ELFN2: variants seen among roughly 807,000 people sequenced by gnomAD.
ELFN2 encodes the protein extracellular leucine rich repeat and fibronectin type III domain containing 2.
Under a neutral mutation model 45.5 loss-of-function variants are expected in ELFN2, and 17 were observed. The ratio of observed to expected loss-of-function variants is 0.37; its 90% confidence interval spans 0.26 to 0.56. The LOEUF is 0.56. ELFN2 is among the 20% of genes least tolerant of loss of function. ELFN2 has a pLI of 0.77. For synonymous variants in ELFN2, 550 were observed against 551.5 expected, an observed-to-expected ratio of 1.00 and a Z score of 0.04; for missense variants, 922 against 1,183.2, an observed-to-expected ratio of 0.78 and a Z score of 3.24.
intron 2 of ELFN2, among the ~76,000 whole-genome samples, chr22:37,407,153 T>C (rs1458590278): frequency 6.6e-6 from 1 of 151,882 alleles, no homozygotes; most frequent in Admixed American, 6.5e-5. Flanking sequence ...GTGTGTCGTA[T>C]GTGTACATGA....
intron 2 of ELFN2, among the ~76,000 whole-genome samples, chr22:37,382,934 T>C (rs1283673823): frequency 6.6e-6 from 1 of 152,228 alleles, no homozygotes; most frequent in Non-Finnish European, 1.5e-5. Context: ...CTTCTGTTCA[T>C]GGGTGCCACC....
intron 1 of ELFN2, among the ~76,000 whole-genome samples, chr22:37,357,628 C>G (rs1930981970): frequency 6.6e-6 from 1 of 152,184 alleles, no homozygotes; most frequent in Non-Finnish European, 1.5e-5. Flanking sequence ...AGGGATGGGC[C>G]CAGCTCAACA....
In ELFN2 at chr22:37,374,956, G is replaced by T. The variant is rs763824292; in HGVS notation, c.579C>A (p.Leu193=). Residue 193 remains leucine (L), a synonymous_variant, in exon 3 of 3, where the codon CTC becomes CTA. Transcript: ENST00000402918. ...CCACCAGCCAGGCCAGGAAGCCGAAGAGGTCGCACTCACAGTTGAAGGGGT... is the reference window on the plus strand; with the variant it reads ...CCACCAGCCAGGCCAGGAAGCCGAATAGGTCGCACTCACAGTTGAAGGGGT... ...AGNPFNCECD[L]FGFLAWLVVF... 6.2e-7 allele frequency: 1 copy of T among 1,613,204 alleles called. No individual in the cohort carries two copies. The highest frequency in any genetic ancestry group is 8.5e-7 in the Non-Finnish European group (1 of 1,179,986).
chr22:37,419,519 C>A (rs1932793089), intron 1 of ELFN2, among the ~76,000 whole-genome samples: 1 of 152,094 alleles, frequency 6.6e-6, no homozygotes, highest in Non-Finnish European at 1.5e-5. Flanking sequence ...ACACCCTCCC[C>A]AACACGCAGG....
chr22:37,410,968 C>T lies in ELFN2; in HGVS notation c.-463+6801G>A, dbSNP rs1932634975. The stretch of plus-strand genomic sequence containing the variant: ...CTGTCTCCAGCAGCCTCAGAGGTGA[C>T]TCTAGAAGGGCCCCTGAAGCCTGCC... On this transcript the variant is annotated intron_variant, in intron 2 of 2. Coordinates refer to ENST00000402918, the MANE Select transcript of ELFN2 (RefSeq NM_052906.5). Among the ~76,000 whole-genome samples, 3 of 152,194 alleles carry T rather than the reference C, an allele frequency of 2.0e-5. No homozygotes were observed. In the South Asian group the frequency reaches 6.2e-4, roughly 31 times the overall value.
At chr22:37,345,747 G>A (rs563317063) in intron 1 of ELFN2, among the ~76,000 whole-genome samples, 3 of 152,116 alleles carry the variant, frequency 2.0e-5, no homozygotes, top group Non-Finnish European at 4.4e-5. Context: ...AGGGTTTCAC[G>A]ATATTGGCCA....
intron 1 of ELFN2, among the ~76,000 whole-genome samples, chr22:37,356,949 A>T (rs1031249571): frequency 2.0e-5 from 3 of 152,246 alleles, no homozygotes; most frequent in Non-Finnish European, 4.4e-5. Flanking sequence ...AGCGAGGAAT[A>T]GGCAGAGGAA....
chr22:37,391,556 A>AT (rs1343459845), intron 2 of ELFN2, among the ~76,000 whole-genome samples: 9 of 152,126 alleles, frequency 5.9e-5, no homozygotes, highest in Non-Finnish European at 1.3e-4. Flanking sequence ...CTGAGAAATG[A>AT]TAAGAGACAT....
chr22:37,409,170 C>A (rs528724070), intron 2 of ELFN2, among the ~76,000 whole-genome samples: 1 of 152,306 alleles, frequency 6.6e-6, no homozygotes, highest in East Asian at 1.9e-4. Flanking sequence ...GGCCCCAGAC[C>A]CTGCTCCATC....
At chr22:37,384,426 TCTCCCCAACCTGGCCTTTACCTCTC>T (rs1193283822) in intron 2 of ELFN2, among the ~76,000 whole-genome samples, 1 of 150,442 alleles carries the variant, frequency 6.6e-6, no homozygotes, top group East Asian at 2.0e-4. Context: ...TCACCCCTTC[TCTCCCCAACCTGGCCTTTACCTCTC>T]CTCCCCTGGA....
At chr22:37,350,578 A>T (rs915814672) in intron 1 of ELFN2, among the ~76,000 whole-genome samples, 3 of 150,060 alleles carry the variant, frequency 2.0e-5, no homozygotes, top group Non-Finnish European at 4.5e-5. Flanking sequence ...CCCACCCGCC[A>T]GCTCCTTTCC....
intron 1 of ELFN2, among the ~76,000 whole-genome samples, chr22:37,350,219 T>C (rs1004199752): frequency 6.6e-6 from 1 of 150,920 alleles, no homozygotes; most frequent in East Asian, 1.9e-4. Context: ...GCCGAGTTTG[T>C]CTACAGTTTG....
intron 2 of ELFN2, among the ~76,000 whole-genome samples, chr22:37,392,256 T>A (rs976852595): frequency 2.0e-5 from 3 of 152,050 alleles, no homozygotes; most frequent in African/African-American, 7.2e-5. Context: ...TCACATTTCA[T>A]CCTCAGGATC....
In ELFN2 at chr22:37,422,874, T is replaced by C. The variant is rs1932819147; in HGVS notation, c.-614+4424A>G. On this transcript the variant is annotated intron_variant, in intron 1 of 2. Transcript: ENST00000402918. The stretch of plus-strand genomic sequence containing the variant: ...CCTCCCAAAGTGCTAGGATTACAGG[T>C]GTGAGCCACCACGCCCAACCAAGAA... 2.1e-5 allele frequency among the ~76,000 whole-genome samples: 3 copies of C among 140,048 alleles called. No individual in the cohort carries two copies. In the South Asian group the frequency reaches 6.8e-4, roughly 32 times the overall value. 91.9% of individuals were successfully genotyped at this position (140,048 alleles called of 152,430 possible).
At chr22:37,397,850 G>C (rs1224344098) in intron 2 of ELFN2, among the ~76,000 whole-genome samples, 1 of 152,144 alleles carries the variant, frequency 6.6e-6, no homozygotes, top group Non-Finnish European at 1.5e-5. Flanking sequence ...GGGCACCCGG[G>C]AAAGAACACC....
intron 2 of ELFN2, among the ~76,000 whole-genome samples, chr22:37,405,663 C>A (rs530275572): frequency 6.6e-6 from 1 of 152,134 alleles, no homozygotes; most frequent in East Asian, 1.9e-4. Flanking sequence ...CTGACCACCA[C>A]GTGATCGCAG....
At chr22:37,381,549 C>T (rs984927846) in intron 2 of ELFN2, among the ~76,000 whole-genome samples, 1 of 151,998 alleles carries the variant, frequency 6.6e-6, no homozygotes, top group Non-Finnish European at 1.5e-5. Flanking sequence ...TGACCCCCAC[C>T]TTCTCTAGCC....
intron 1 of ELFN2, among the ~76,000 whole-genome samples, chr22:37,347,767 C>T (rs1930732158): frequency 6.6e-6 from 1 of 152,246 alleles, no homozygotes; most frequent in Middle Eastern, 3.4e-3. Flanking sequence ...GATGGGCCCC[C>T]TGGGAAAGTC....
chr22:37,356,603 T>C (rs917539676), intron 1 of ELFN2, among the ~76,000 whole-genome samples: 5 of 152,154 alleles, frequency 3.3e-5, no homozygotes, highest in African/African-American at 1.2e-4. Context: ...CGCACCCACC[T>C]CAGGTACGTC....
Sources: gnomAD v4.1 joint callset for allele counts (sites outside exome capture counted in the v4.1 genomes callset) on GRCh38, gnomAD v4.1.1 for gene constraint, MANE v1.5 for transcripts, NCBI Gene and HGNC (gene_info 2026-07-23, HGNC 2026-07-21) for gene names.